PDLIM1: variants seen among roughly 807,000 people sequenced by gnomAD.
PDLIM1 encodes the protein PDZ and LIM domain 1.
In PDLIM1, 25 loss-of-function variants were observed where a neutral mutation model predicts 35.2. The observed-to-expected ratio is 0.71, with a 90% CI of 0.52 to 0.99. The LOEUF (loss-of-function observed/expected upper bound fraction) is 0.99. Among genes scored for constraint, PDLIM1 ranks in the 50% least tolerant of loss-of-function variants. The pLI is 0.00. For missense variants in PDLIM1, 363 were observed against 415.3 expected (o/e 0.87, Z 1.09); for synonymous variants, 152 against 154.0 (o/e 0.99, Z 0.10).
chr10:95,283,419 G>T (rs1314669834), intron 1 of PDLIM1, among the ~76,000 whole-genome samples: 1 of 152,160 alleles, frequency 6.6e-6, no homozygotes, highest in Admixed American at 6.5e-5. Context: ...AGATCTAGCA[G>T]ATATCAAAAA....
intron 4 of PDLIM1, among the ~76,000 whole-genome samples, chr10:95,253,394 G>GA (rs1457124094): frequency 2.6e-5 from 4 of 151,696 alleles, no homozygotes; most frequent in South Asian, 2.1e-4. Flanking sequence ...CTAAATAGAC[G>GA]AAAAAAAATA....
At chr10:95,268,203 A>C (rs1325872887) in intron 3 of PDLIM1, among the ~76,000 whole-genome samples, 1 of 152,210 alleles carries the variant, frequency 6.6e-6, no homozygotes, top group African/African-American at 2.4e-5. Context: ...TCTGGGTGAC[A>C]AATTGTACAC....
intron 4 of PDLIM1, among the ~76,000 whole-genome samples, chr10:95,253,151 G>A (rs2035280817): frequency 6.6e-6 from 1 of 152,210 alleles, no homozygotes. Context: ...CTTATCTAGA[G>A]GGGAAAACCA....
In PDLIM1 at chr10:95,264,042, C is replaced by CCT; in HGVS notation, c.354_355insAG (p.Ala119ArgfsTer62). On this transcript the variant is annotated frameshift_variant, in exon 4 of 7. Transcript: ENST00000329399. LOFTEE classifies it high-confidence loss of function. ...AAGGGCATGGCACTTCGGTTGTGGGCGCTTCCTATGTGCAGGACCTCCTGC... is the reference window on the plus strand; with the variant it reads ...AAGGGCATGGCACTTCGGTTGTGGGCCTGCTTCCTATGTGCAGGACCTCCTGC... The CCT allele has an allele frequency of 6.2e-7, 1 of 1,613,562 alleles. No individual in the cohort carries two copies. The highest frequency in any genetic ancestry group is 1.1e-5 in the South Asian group (1 of 91,054).
chr10:95,247,448 C>T, intron 4 of PDLIM1, 82 bp from the exon 5 acceptor site: 1 of 1,136,060 alleles, frequency 8.8e-7, no homozygotes, highest in Non-Finnish European at 1.3e-6. Context: ...CAGGCAGACA[C>T]TGCTGATTTG....
intron 2 of PDLIM1, among the ~76,000 whole-genome samples, chr10:95,269,624 T>G (rs958970454): frequency 3.3e-5 from 5 of 152,140 alleles, no homozygotes; most frequent in Admixed American, 6.5e-5. Flanking sequence ...ATAAACTATT[T>G]TCTTTGTACC....
intron 3 of PDLIM1, among the ~76,000 whole-genome samples, chr10:95,266,062 G>A (rs1298040563): frequency 6.6e-6 from 1 of 152,046 alleles, no homozygotes; most frequent in African/African-American, 2.4e-5. Context: ...GCTAGGCGTG[G>A]TGGCACCTGC....
chr10:95,247,038 ACT>A (rs2035227175), intron 5 of PDLIM1, among the ~76,000 whole-genome samples, 175 bp downstream of exon 5: 1 of 147,406 alleles, frequency 6.8e-6, no homozygotes, highest in Admixed American at 6.8e-5. Flanking sequence ...TGTGGTCAGC[ACT>A]CTCTTCCTCT....
chr10:95,247,534 A>T, intron 4 of PDLIM1, 168 bp from the exon 5 acceptor site: 1 of 566,066 alleles, frequency 1.8e-6, no homozygotes, highest in Non-Finnish European at 3.1e-6. Flanking sequence ...TGAAACTGAG[A>T]TGTCTTTGTA....
rs541599309 is a variant in PDLIM1, at chr10:95,262,886, T to A, written c.533+978A>T. 2.6e-5 allele frequency among the ~76,000 whole-genome samples: 4 copies of A among 152,232 alleles called. No individual in the cohort carries two copies. In the South Asian group the frequency reaches 8.3e-4, roughly 32 times the overall value. ...CAAAGGGCTTGGTGGCTCATGCCTG[T>A]AATCCCGGAAATTTGGGAGTCTGAG... On this transcript the variant is annotated intron_variant, in intron 4 of 6. Coordinates refer to ENST00000329399, the MANE Select transcript of PDLIM1 (RefSeq NM_020992.4).
Position 95,237,591 on chromosome 10 carries a change from T to C in PDLIM1, c.*334A>G, listed in dbSNP as rs1219650324. ...CACTGCTTTGTAGTCTATACATTTA[T>C]TGAGTAAAAACAAAATCAGTGTCAG... On this transcript the variant is annotated 3_prime_UTR_variant, in exon 7 of 7. Transcript: ENST00000329399. 1 of 273,280 alleles carries C rather than the reference T, an allele frequency of 3.7e-6. No homozygotes were observed. The highest frequency in any genetic ancestry group is 2.2e-5 in the African/African-American group (1 of 45,968). The allele number at this position is 273,280 out of a possible 1,614,324, so 16.9% of individuals were successfully genotyped here.
chr10:95,286,272 G>A (rs866630602), intron 1 of PDLIM1, among the ~76,000 whole-genome samples: 28 of 152,060 alleles, frequency 1.8e-4, no homozygotes, highest in South Asian at 8.3e-4. Context: ...CACAAGAATC[G>A]CTTGAACCCA....
chr10:95,260,837 TGAG>T (rs2035355277), intron 4 of PDLIM1, among the ~76,000 whole-genome samples: 1 of 152,228 alleles, frequency 6.6e-6, no homozygotes, highest in Non-Finnish European at 1.5e-5. Context: ...TTGTGCTGAC[TGAG>T]CAAGCAAAGT....
chr10:95,265,282 A>AAATATTTTT (rs1228815667), intron 3 of PDLIM1, among the ~76,000 whole-genome samples: 1 of 152,192 alleles, frequency 6.6e-6, no homozygotes, highest in Non-Finnish European at 1.5e-5. Context: ...AACAACCTGA[A>AAATATTTTT]AATATTTTTA....
At chr10:95,247,475 G>T (rs1318157358) in intron 4 of PDLIM1, 109 bp from the exon 5 acceptor site, 2 of 869,408 alleles carry the variant, frequency 2.3e-6, no homozygotes, top group Non-Finnish European at 3.5e-6. Context: ...GGATAGAAAT[G>T]ATCTCAAAGC....
chr10:95,240,337 TGC>T (rs2035167778), intron 5 of PDLIM1, among the ~76,000 whole-genome samples: 5 of 152,234 alleles, frequency 3.3e-5, no homozygotes, highest in Non-Finnish European at 7.3e-5. Flanking sequence ...TCTTGTCCTT[TGC>T]AGGGACATGG....
chr10:95,260,030 T>C (rs2035347292), intron 4 of PDLIM1, among the ~76,000 whole-genome samples: 1 of 152,242 alleles, frequency 6.6e-6, no homozygotes, highest in East Asian at 1.9e-4. Flanking sequence ...CACACTTCTG[T>C]AGCCCCCAGT....
At chr10:95,245,218 T>C (rs2035209683) in intron 5 of PDLIM1, among the ~76,000 whole-genome samples, 1 of 151,866 alleles carries the variant, frequency 6.6e-6, no homozygotes, top group African/African-American at 2.4e-5. Context: ...AATGGAAGAG[T>C]AGTGTGGGAC....
intron 4 of PDLIM1, among the ~76,000 whole-genome samples, chr10:95,249,969 C>T: frequency 6.6e-6 from 1 of 152,166 alleles, no homozygotes; most frequent in East Asian, 1.9e-4. Flanking sequence ...CCTCTTCCCC[C>T]ACCTGCAGGG....
Sources: gnomAD v4.1 joint callset for allele counts (sites outside exome capture counted in the v4.1 genomes callset) on GRCh38, gnomAD v4.1.1 for gene constraint, MANE v1.5 for transcripts, NCBI Gene and HGNC (gene_info 2026-07-23, HGNC 2026-07-21) for gene names.